Variants in USP9X observed in about 807,000 individuals in gnomAD.
USP9X encodes the protein ubiquitin carboxyl-terminal hydrolase 9X.
USP9X carries 7 observed loss-of-function variants against 190.3 expected under a neutral mutation model. The ratio of observed to expected loss-of-function variants is 0.04; its 90% confidence interval spans 0.02 to 0.07. The LOEUF (loss-of-function observed/expected upper bound fraction) is 0.07. USP9X is among the 10% of genes least tolerant of loss of function. The pLI is 1.00. For missense variants in USP9X, 1,010 were observed against 1,916.9 expected, an observed-to-expected ratio of 0.53 and a Z score of 8.83; for synonymous variants, 645 against 659.5, an observed-to-expected ratio of 0.98 and a Z score of 0.34.
intron 9 of USP9X, among the ~76,000 whole-genome samples, chrX:41,141,928 A>G (rs2062426214): frequency 8.9e-6 from 1 of 112,090 alleles, no homozygotes; most frequent in Non-Finnish European, 1.9e-5. Flanking sequence ...ATGAAACTTT[A>G]TGTACCATAG....
At position 41,161,362 on chromosome X, in the gene USP9X, C is replaced by T. The variant is rs762042406; in HGVS notation, c.1898-1428C>T. 2.1e-4 allele frequency among the ~76,000 whole-genome samples: 11 copies of T among 53,106 alleles called. No homozygotes were observed. In the South Asian group the frequency reaches 0.015, roughly 73 times the overall value. The allele number at this position is 53,106 out of a possible 115,157, so 46.1% of individuals were successfully genotyped here. ...TTTTTTTTTTTTTTTTTTTTGGTGA[C>T]GGAGTCTCGTTCTGTTACCCAGGCT... is the stretch of plus-strand genomic sequence containing the variant. On this transcript the variant is annotated intron_variant, in intron 14 of 44. Transcript: ENST00000378308.
intron 29 of USP9X, 127 bp downstream of exon 29, chrX:41,197,637 C>CT: frequency 3.2e-6 from 2 of 619,834 alleles, no homozygotes; most frequent in East Asian, 4.2e-5. Flanking sequence ...TTTTAAGAAT[C>CT]TTTATCAAAT....
intron 1 of USP9X, among the ~76,000 whole-genome samples, chrX:41,091,719 T>C (rs1177129996): frequency 2.7e-5 from 3 of 112,052 alleles, no homozygotes; most frequent in Non-Finnish European, 5.6e-5. Context: ...AGTCAGACCC[T>C]TCATTTTTCA....
chrX:41,103,155 G>T (rs375051831), intron 1 of USP9X, among the ~76,000 whole-genome samples: 1 of 112,283 alleles, frequency 8.9e-6, no homozygotes, highest in Admixed American at 9.4e-5. Flanking sequence ...AGGCATACCC[G>T]CATTCTGTAA....
At chrX:41,191,329 C>CAAA (rs60716097) in intron 26 of USP9X, among the ~76,000 whole-genome samples, 1 of 65,679 alleles carries the variant, frequency 1.5e-5, no homozygotes, top group Non-Finnish European at 2.9e-5. Context: ...AACTCCATGT[C>CAAA]AAAAAAAAAA....
intron 1 of USP9X, among the ~76,000 whole-genome samples, chrX:41,105,105 G>A (rs1225757433): frequency 9.0e-6 from 1 of 111,413 alleles, no homozygotes; most frequent in Non-Finnish European, 1.9e-5. Flanking sequence ...GTATAAGGGG[G>A]AGGGTTGGGG....
chrX:41,153,158 A>C, intron 14 of USP9X, 77 bp downstream of exon 14: 1 of 1,009,414 alleles, frequency 9.9e-7, no homozygotes, highest in Non-Finnish European at 1.3e-6. Flanking sequence ...AGAAATGTAA[A>C]TCATGTTCCT....
At chrX:41,115,923 A>C (rs1456189416) in intron 1 of USP9X, among the ~76,000 whole-genome samples, 2 of 111,879 alleles carry the variant, frequency 1.8e-5, no homozygotes, top group Non-Finnish European at 3.8e-5. Context: ...GTAAGAAAGG[A>C]TAATTCTTTG....
At chrX:41,127,224 C>T (rs181612418) in intron 2 of USP9X, among the ~76,000 whole-genome samples, 91 of 111,840 alleles carry the variant, frequency 8.1e-4, no homozygotes, top group Non-Finnish European at 1.4e-3. Flanking sequence ...AAATACTAAA[C>T]GTCCCCTTAA....
intron 1 of USP9X, among the ~76,000 whole-genome samples, chrX:41,107,550 C>T (rs191890730): frequency 2.1e-4 from 24 of 112,261 alleles, no homozygotes; most frequent in East Asian, 1.1e-3. Flanking sequence ...GAACTTCCTG[C>T]GTGTGTAGAT....
At chrX:41,183,936 A>C in intron 21 of USP9X, 62 bp from the exon 22 acceptor site, 3 of 1,132,663 alleles carry the variant, frequency 2.6e-6, no homozygotes, top group Non-Finnish European at 3.5e-6. Flanking sequence ...TCAAGATATC[A>C]AAAGTTAAAT....
rs767741303 is a variant in USP9X at position 41,123,705 on chromosome X, C to T, written c.77C>T (p.Pro26Leu). 5 of 1,209,457 alleles carry T rather than the reference C, an allele frequency of 4.1e-6. No individual in the cohort carries two copies. The highest frequency in any genetic ancestry group is 1.8e-5 in the South Asian group (1 of 56,731). The change falls in exon 2 of 45, where the codon CCC becomes CTC. Residue 26 changes from proline (P) to leucine (L), a missense_variant. Physicochemically the swap from Pro to Leu is moderately conservative, Grantham distance 98. This residue lies in a region of USP9X where 176 missense variants were observed against 247.5 expected (regional missense o/e 0.71). Transcript: ENST00000378308. ...CAGGCTCCTGATGGACAGTCTCAGCCCCCCCTCCAACAGAATCAGGTAGGA... is the reference window on the plus strand; with the variant it reads ...CAGGCTCCTGATGGACAGTCTCAGCTCCCCCTCCAACAGAATCAGGTAGGA... Reference protein sequence around the residue: ...QGQAPDGQSQPPLQQNQTSSP... With the variant: ...QGQAPDGQSQLPLQQNQTSSP...
At chrX:41,207,676 ATCC>A (rs2063116151) in intron 32 of USP9X, among the ~76,000 whole-genome samples, 1 of 111,385 alleles carries the variant, frequency 9.0e-6, no homozygotes, top group East Asian at 2.8e-4. Context: ...TTTGTAAGTA[ATCC>A]TCCTTGGAAT....
Position 41,165,967 on chromosome X carries a change from G to A in USP9X, c.2081G>A (p.Arg694His). The change falls in exon 16 of 45, where the codon CGT becomes CAT. Residue 694 changes from arginine to histidine, a missense_variant. Physicochemically the swap from Arg to His is conservative, Grantham distance 29. This residue lies in a region of USP9X where 104 missense variants were observed against 239.8 expected (regional missense o/e 0.43). Transcript: ENST00000378308. ...GAGAATGCAGTTTACCTTTGTGATC[G>A]TGAAGCCTGTTTTAAGTGGTATTCC... ...LAENAVYLCD[R>H]EACFKWYSKL... 1 of 1,211,460 alleles carries A rather than the reference G, an allele frequency of 8.3e-7. No individual in the cohort carries two copies. Among genetic ancestry groups the A allele is most frequent in the Non-Finnish European group, 1.1e-6 (1 of 895,387 alleles).
At position 41,235,926 on chromosome X, in the gene USP9X, C is replaced by T. The variant is rs2063396028; in HGVS notation, c.*3402C>T. 8.9e-6 allele frequency: 1 copy of T among 112,064 alleles called. No homozygotes were observed. The highest frequency in any genetic ancestry group is 3.2e-5 in the African/African-American group (1 of 30,803). The allele number at this position is 112,064 out of a possible 1,213,427, so 9.2% of individuals were successfully genotyped here. On this transcript the variant is annotated 3_prime_UTR_variant, in exon 45 of 45. Transcript: ENST00000378308. ...AAGTCTGTGAATATTCAGATGACTA[C>T]TTCGAAGTAATTCAGTTTTTTTATT... is the stretch of plus-strand genomic sequence containing the variant.
chrX:41,141,537 T>C, intron 9 of USP9X, 106 bp downstream of exon 9: 2 of 812,868 alleles, frequency 2.5e-6, no homozygotes, highest in Non-Finnish European at 3.2e-6. Flanking sequence ...TAAAGTAAAC[T>C]GAAATTGGGA....
At chrX:41,170,368 C>A in intron 19 of USP9X, 102 bp from the exon 20 acceptor site, 1 of 1,073,279 alleles carries the variant, frequency 9.3e-7, no homozygotes, top group Admixed American at 2.7e-5. Context: ...TAAAGTATAG[C>A]ATGTAGTCTT....
At chrX:41,197,331 T>TGGGC in intron 28 of USP9X, 33 bp from the exon 29 acceptor site, 2 of 486,756 alleles carry the variant, frequency 4.1e-6, no homozygotes, top group Non-Finnish European at 5.9e-6. Flanking sequence ...TTTGATTTCT[T>TGGGC]CCCCCCCCCA....
intron 15 of USP9X, among the ~76,000 whole-genome samples, chrX:41,163,932 AGTG>A (rs982005685): frequency 3.7e-5 from 4 of 107,950 alleles, no homozygotes; most frequent in African/African-American, 1.4e-4. Context: ...GCTGAAGTGC[AGTG>A]GTGAGATCTC....
Sources: gnomAD v4.1 joint callset for allele counts (sites outside exome capture counted in the v4.1 genomes callset) on GRCh38, gnomAD v4.1.1 for gene constraint, gnomAD v4.1.1 regional missense constraint, MANE v1.5 for transcripts, NCBI Gene and HGNC (gene_info 2026-07-23, HGNC 2026-07-21) for gene names.